Variants in SRGAP1 observed in about 807,000 individuals in gnomAD.
SRGAP1 encodes the protein SLIT-ROBO Rho GTPase-activating protein 1.
Under a neutral mutation model 121.9 loss-of-function variants are expected in SRGAP1, and 43 were observed. The observed-to-expected ratio is 0.35, with a 90% CI of 0.28 to 0.46. SRGAP1 has a LOEUF of 0.46. Ranked by LOEUF, SRGAP1 falls within the 20% of genes least tolerant of loss-of-function variation. SRGAP1 has a pLI of 1.00. For missense variants in SRGAP1, 1,102 were observed against 1,350.9 expected (o/e 0.82, Z 2.89); for synonymous variants, 447 against 485.4 (o/e 0.92, Z 1.04).
chr12:64,133,031 C>T (rs1286787341), intron 21 of SRGAP1, among the ~76,000 whole-genome samples: 2 of 152,204 alleles, frequency 1.3e-5, no homozygotes, highest in African/African-American at 4.8e-5. Flanking sequence ...CTTGGAGTCA[C>T]CACTTGGTTA....
chr12:63,880,756 G>A (rs1278059821), intron 1 of SRGAP1, among the ~76,000 whole-genome samples: 2 of 152,048 alleles, frequency 1.3e-5, no homozygotes, highest in Admixed American at 1.3e-4. Flanking sequence ...TTATTATACT[G>A]CCATTATTTT....
chr12:63,921,678 A>G (rs1231425740), intron 1 of SRGAP1, among the ~76,000 whole-genome samples: 1 of 152,232 alleles, frequency 6.6e-6, no homozygotes, highest in African/African-American at 2.4e-5. Context: ...TTCTTAAAGA[A>G]TATAATTTCA....
chr12:63,894,951 T>TAGC (rs200216824), intron 1 of SRGAP1, among the ~76,000 whole-genome samples: 1 of 152,100 alleles, frequency 6.6e-6, no homozygotes, highest in Non-Finnish European at 1.5e-5. Context: ...TGTGCCTTTA[T>TAGC]AGCAGCAGCA....
In SRGAP1 at chr12:64,068,525, G is replaced by T. The variant is rs542913697; in HGVS notation, c.1125+3306G>T. On this transcript the variant is annotated intron_variant, in intron 8 of 21. Transcript: ENST00000355086. ...GATTTTTGTATTTTTCATAGAGACAGGGTTTCCCCATGTTGCCCAGGCTGG... is the reference window on the plus strand; with the variant it reads ...GATTTTTGTATTTTTCATAGAGACATGGTTTCCCCATGTTGCCCAGGCTGG... Among the ~76,000 whole-genome samples the T allele has an allele frequency of 2.6e-5, 4 of 151,030 alleles. No homozygotes were observed. In the South Asian group the frequency reaches 8.4e-4, roughly 32 times the overall value.
intron 21 of SRGAP1, among the ~76,000 whole-genome samples, chr12:64,137,036 C>G (rs1289917931): frequency 6.6e-6 from 1 of 151,916 alleles, no homozygotes; most frequent in African/African-American, 2.4e-5. Flanking sequence ...GGCTGAGGCG[C>G]ATGGATCACT....
chr12:64,097,222 G>GTT lies in SRGAP1; in HGVS notation c.1679-4_1679-3dup, dbSNP rs750731050. On this transcript the variant is annotated intron_variant, in intron 14 of 21. Coordinates refer to ENST00000355086, the MANE Select transcript of SRGAP1 (RefSeq NM_020762.4). ...AAAAGAAGCACTGTTAATGTAATGA[G>GTT]TTTTTTTTTTTTTTTTAGGTGAAAA... is the stretch of plus-strand genomic sequence containing the variant. 5.2e-3 allele frequency: 7,489 copies of GTT among 1,434,246 alleles called. No individual in the cohort carries two copies. The highest frequency in any genetic ancestry group is 0.013 in the South Asian group (969 of 74,268). The allele number at this position is 1,434,246 out of a possible 1,614,324, so 88.8% of individuals were successfully genotyped here.
rs149987615 is a variant in SRGAP1, at chr12:64,005,501, C to T, written c.427-11449C>T. Among the ~76,000 whole-genome samples the T allele has an allele frequency of 5.9e-5, 9 of 152,110 alleles. No individual in the cohort carries two copies. In the East Asian group the frequency reaches 1.7e-3, roughly 29 times the overall value. On this transcript the variant is annotated intron_variant, in intron 3 of 21. Coordinates refer to ENST00000355086, the MANE Select transcript of SRGAP1 (RefSeq NM_020762.4). ...TACAAAAATAAAAATTAAAAAATAG[C>T]TGGGCATGGTGGTGTACATCTGTAG...
chr12:64,013,902 C>A (rs1427197520), intron 3 of SRGAP1, among the ~76,000 whole-genome samples: 1 of 152,180 alleles, frequency 6.6e-6, no homozygotes. Context: ...GGAGGGACAT[C>A]AAAGTCAACT....
intron 1 of SRGAP1, among the ~76,000 whole-genome samples, chr12:63,865,654 C>G (rs1359235132): frequency 1.3e-5 from 2 of 152,178 alleles, no homozygotes; most frequent in African/African-American, 2.4e-5. Context: ...CTTTGTAACC[C>G]AATTCCTTCA....
chr12:63,930,924 T>C (rs2031454998), intron 1 of SRGAP1, among the ~76,000 whole-genome samples: 1 of 152,224 alleles, frequency 6.6e-6, no homozygotes, highest in South Asian at 2.1e-4. Flanking sequence ...TAATTTTGTT[T>C]ATCCTTGCAT....
intron 1 of SRGAP1, among the ~76,000 whole-genome samples, chr12:63,870,590 T>G (rs1899817910): frequency 1.4e-5 from 2 of 145,038 alleles, no homozygotes; most frequent in Admixed American, 7.4e-5. Flanking sequence ...CAGGCTGGAG[T>G]GCAATGGTGC....
chr12:64,135,863 A>AG, intron 21 of SRGAP1, among the ~76,000 whole-genome samples: 1 of 152,220 alleles, frequency 6.6e-6, no homozygotes, highest in Admixed American at 6.5e-5. Flanking sequence ...TGAGTTTATT[A>AG]TTAACTCACA....
chr12:64,041,416 ACT>A (rs1394456673), intron 4 of SRGAP1, among the ~76,000 whole-genome samples: 2 of 150,762 alleles, frequency 1.3e-5, no homozygotes, highest in Non-Finnish European at 3.0e-5. Flanking sequence ...GCAAGGTCTC[ACT>A]CTGTCACCCA....
chr12:64,090,174 A>G (rs891448806), intron 11 of SRGAP1, among the ~76,000 whole-genome samples: 1 of 152,186 alleles, frequency 6.6e-6, no homozygotes, highest in African/African-American at 2.4e-5. Context: ...CCTTCTTTCC[A>G]CTAAAGGGAG....
intron 17 of SRGAP1, among the ~76,000 whole-genome samples, chr12:64,112,728 C>T (rs902693992): frequency 6.6e-5 from 10 of 152,068 alleles, no homozygotes; most frequent in African/African-American, 2.4e-4. Context: ...ATACTGATTT[C>T]CTTTCTTTTG....
chr12:63,974,319 A>G (rs572729283), intron 1 of SRGAP1, among the ~76,000 whole-genome samples: 3 of 152,328 alleles, frequency 2.0e-5, no homozygotes, highest in African/African-American at 7.2e-5. Flanking sequence ...TTCAAAAGCT[A>G]TGAAAAACTG....
intron 4 of SRGAP1, chr12:64,032,669 G>T: frequency 2.2e-5 from 6 of 270,524 alleles, no homozygotes; most frequent in Non-Finnish European, 4.2e-5. Context: ...AAACAAGTGA[G>T]ATGAGCTTTC....
At chr12:64,081,087 T>G (rs1195704007) in intron 10 of SRGAP1, 2 of 152,372 alleles carry the variant, frequency 1.3e-5, no homozygotes, top group African/African-American at 2.4e-5. Flanking sequence ...TTTCTCTTTG[T>G]CTTTATGAAA....
intron 1 of SRGAP1, among the ~76,000 whole-genome samples, chr12:63,881,197 C>A (rs767127039): frequency 1.4e-4 from 22 of 152,154 alleles, no homozygotes; most frequent in Non-Finnish European, 2.9e-4. Context: ...GGTGTGTGAA[C>A]ATATGACTGG....
Sources: allele counts gnomAD v4.1 joint callset (sites outside exome capture counted in the v4.1 genomes callset), GRCh38; gene constraint gnomAD v4.1.1; transcripts MANE v1.5; gene names NCBI Gene and HGNC (gene_info 2026-07-23, HGNC 2026-07-21).